AFDN: variants seen among roughly 807,000 people sequenced by gnomAD.
The protein encoded by AFDN is afadin.
In AFDN, 68 loss-of-function variants were observed where a neutral mutation model predicts 216.6. That is an observed-to-expected ratio of 0.31 (90% CI 0.26 to 0.38). The LOEUF is 0.38. Among genes scored for constraint, AFDN ranks in the 10% least tolerant of loss-of-function variants. AFDN has a pLI of 1.00. For missense variants in AFDN, 2,136 were observed against 2,342.0 expected (o/e 0.91, Z 1.82); for synonymous variants, 868 against 853.7 (o/e 1.02, Z -0.29).
At position 167,970,440 on chromosome 6, in the gene AFDN, G is replaced by A. The variant is rs897156445; in HGVS notation, c.*505G>A. 2 of 220,098 alleles carry A rather than the reference G, an allele frequency of 9.1e-6. No individual in the cohort carries two copies. The highest frequency in any genetic ancestry group is 2.2e-5 in the African/African-American group (1 of 44,568). 13.6% of individuals were successfully genotyped at this position (220,098 alleles called of 1,614,324 possible). A position where few individuals can be genotyped will look rare whatever the true frequency, so the allele number is the denominator to read the frequency against. On this transcript the variant is annotated 3_prime_UTR_variant, in exon 34 of 34. Coordinates refer to ENST00000683244, the MANE Select transcript of AFDN (RefSeq NM_001386888.1). Reference sequence around the variant, plus strand: ...TTCTACCCGGGAAGGAACATATGACGACATGCTCCTCCCATGTCCCCTGAT... The same window carrying A: ...TTCTACCCGGGAAGGAACATATGACAACATGCTCCTCCCATGTCCCCTGAT...
In AFDN at chr6:167,915,389, G is replaced by A; in HGVS notation, c.2521G>A (p.Gly841Arg). The A allele has an allele frequency of 6.2e-7, 1 of 1,614,198 alleles. No individual in the cohort carries two copies. The highest frequency in any genetic ancestry group is 8.5e-7 in the Non-Finnish European group (1 of 1,180,034). The change falls in exon 19 of 34, where the codon GGG (glycine) becomes AGG (arginine). Residue 841 changes from glycine to arginine, a missense_variant. Around this residue, in one of 8 missense-constraint regions of AFDN, gnomAD observed 5 missense variants for 23.4 expected, o/e 0.21. Coordinates refer to ENST00000683244, the MANE Select transcript of AFDN (RefSeq NM_001386888.1). ...GHIEAWAEKQGLELAADCHLS... is the reference protein window; with the variant it reads ...GHIEAWAEKQRLELAADCHLS... Reference sequence around the variant, plus strand: ...TATTGAAGCCTGGGCTGAGAAGCAGGGGCTGGAACTGGCTGCGGACTGTCA... The same window carrying A: ...TATTGAAGCCTGGGCTGAGAAGCAGAGGCTGGAACTGGCTGCGGACTGTCA...
At chr6:167,927,647 G>A (rs1792739138) in intron 23 of AFDN, among the ~76,000 whole-genome samples, 1 of 152,096 alleles carries the variant, frequency 6.6e-6, no homozygotes, top group African/African-American at 2.4e-5. Flanking sequence ...TGATGCGTGG[G>A]GCATAGTAAG....
intron 31 of AFDN, chr6:167,963,985 C>G (rs901439987): frequency 3.8e-6 from 4 of 1,064,572 alleles, no homozygotes; most frequent in Non-Finnish European, 4.6e-6. Flanking sequence ...TGGGCCCAGT[C>G]CTGGCCACGC....
chr6:167,864,487 TA>T (rs1783954962), intron 1 of AFDN, 63 bp from the exon 2 acceptor site: 1 of 1,442,228 alleles, frequency 6.9e-7, no homozygotes, highest in Admixed American at 1.7e-5. Context: ...CATTTATTAT[TA>T]CAAAAAGTGA....
At chr6:167,964,539 C>A (rs189641751) in intron 31 of AFDN, 16 of 1,064,966 alleles carry the variant, frequency 1.5e-5, no homozygotes, top group Admixed American at 5.4e-5. Context: ...GGGCTCAGGG[C>A]AGTAATTGGG....
At chr6:167,916,431 CT>C (rs1791075353) in intron 19 of AFDN, among the ~76,000 whole-genome samples, 1 of 152,092 alleles carries the variant, frequency 6.6e-6, no homozygotes, top group African/African-American at 2.4e-5. Context: ...TTAAAGGGTT[CT>C]TTATATTGAG....
At chr6:167,948,050 A>G in intron 28 of AFDN, 106 bp downstream of exon 28, 1 of 882,968 alleles carries the variant, frequency 1.1e-6, no homozygotes, top group South Asian at 1.7e-5. Context: ...ATTAGCATTG[A>G]TTATAATTTC....
intron 1 of AFDN, among the ~76,000 whole-genome samples, chr6:167,856,825 G>A (rs1339608625): frequency 6.6e-6 from 1 of 151,986 alleles, no homozygotes; most frequent in East Asian, 1.9e-4. Context: ...ATATATATAT[G>A]ACAAATATAT....
upstream of AFDN, chr6:167,826,776 G>T (rs1201293234): frequency 1.7e-5 from 6 of 345,276 alleles, no homozygotes; most frequent in East Asian, 3.7e-4. Context: ...TGGCGGCCGC[G>T]GCAGCAGCAC....
intron 31 of AFDN, chr6:167,963,675 T>A (rs1797256603): frequency 9.4e-7 from 1 of 1,060,664 alleles, no homozygotes; most frequent in African/African-American, 1.6e-5. Flanking sequence ...CCTCTAAGTT[T>A]ATCATCATAT....
At chr6:167,834,457 G>GGTTTTTTTT (rs1554275698) in intron 1 of AFDN, among the ~76,000 whole-genome samples, 1 of 75,256 alleles carries the variant, frequency 1.3e-5, no homozygotes, top group Non-Finnish European at 2.4e-5. Context: ...TGTTGTTTCG[G>GGTTTTTTTT]TTTTTTTTTT....
intron 10 of AFDN, 68 bp downstream of exon 10, chr6:167,897,040 G>GC (rs1393754473): frequency 2.5e-6 from 2 of 786,720 alleles, no homozygotes; most frequent in Non-Finnish European, 4.3e-6. Flanking sequence ...TACAGAGCCT[G>GC]CCACATGGTA....
In AFDN at chr6:167,951,312, G is replaced by A; in HGVS notation, c.3958G>A (p.Asp1320Asn). Residue 1320 changes from aspartate (D) to asparagine (N), a missense_variant, in exon 30 of 34, where the codon GAC becomes AAC. Coordinates refer to ENST00000683244, the MANE Select transcript of AFDN (RefSeq NM_001386888.1). The surrounding 1 kb of genome is among the most constrained non-coding windows in gnomAD (Gnocchi z 7.1). ...DMWINQSSSL[D>N]SSTSSQEHLN... ...GTGGATAAATCAGAGCTCCTCACTG[G>A]ACTCCAGTACCTCTAGCCAGGAGCA... 13 of 1,614,150 alleles carry A rather than the reference G, an allele frequency of 8.1e-6. No homozygotes were observed. The highest frequency in any genetic ancestry group is 9.3e-6 in the Non-Finnish European group (11 of 1,180,030).
At chr6:167,890,833 C>T in intron 7 of AFDN, 29 bp from the exon 8 acceptor site, 1 of 1,606,214 alleles carries the variant, frequency 6.2e-7, no homozygotes, top group East Asian at 2.2e-5. Context: ...CCTGAGTCTG[C>T]CTGATGATTT....
At chr6:167,829,833 A>C (rs1196618621) in intron 1 of AFDN, among the ~76,000 whole-genome samples, 1 of 152,182 alleles carries the variant, frequency 6.6e-6, no homozygotes, top group East Asian at 1.9e-4. Context: ...TTTGGATTAC[A>C]TTCTTTTTTT....
chr6:167,947,150 C>T (rs1272533313), intron 27 of AFDN, among the ~76,000 whole-genome samples: 1 of 151,198 alleles, frequency 6.6e-6, no homozygotes, highest in Non-Finnish European at 1.5e-5. Flanking sequence ...GGTAAATTAC[C>T]AAGAGAAACT....
chr6:167,837,834 A>C (rs1780614272), intron 1 of AFDN, among the ~76,000 whole-genome samples: 1 of 152,234 alleles, frequency 6.6e-6, no homozygotes, highest in African/African-American at 2.4e-5. Flanking sequence ...AGGTCACTGC[A>C]ATGAAACCAG....
intron 23 of AFDN, among the ~76,000 whole-genome samples, chr6:167,934,605 A>G (rs1793749272): frequency 6.6e-6 from 1 of 152,198 alleles, no homozygotes; most frequent in African/African-American, 2.4e-5. Flanking sequence ...TTATTGTTCT[A>G]AAATCACCAG....
chr6:167,905,575 A>C (rs922216421), intron 12 of AFDN, among the ~76,000 whole-genome samples: 1 of 152,114 alleles, frequency 6.6e-6, no homozygotes, highest in Non-Finnish European at 1.5e-5. Context: ...TTTTAACACA[A>C]TTGGATATAT....
Sources: allele counts gnomAD v4.1 joint callset (sites outside exome capture counted in the v4.1 genomes callset), GRCh38; gene constraint gnomAD v4.1.1; regional missense constraint gnomAD v4.1.1; non-coding constraint Gnocchi (gnomAD v3.1); transcripts MANE v1.5; gene names NCBI Gene and HGNC (gene_info 2026-07-23, HGNC 2026-07-21).